Variants in L3MBTL4 observed in about 807,000 individuals in gnomAD.
The protein encoded by L3MBTL4 is L3MBTL histone methyl-lysine binding protein 4.
A neutral mutation model predicts 84.5 loss-of-function variants in L3MBTL4; 70 were observed. That is an observed-to-expected ratio of 0.83 (90% CI 0.68 to 1.01). The LOEUF (loss-of-function observed/expected upper bound fraction) is 1.01, where lower values mean the gene tolerates loss of function less well. L3MBTL4 is among the 50% of genes least tolerant of loss of function. The pLI is 0.00. For synonymous variants in L3MBTL4, 274 were observed against 259.8 expected, an observed-to-expected ratio of 1.05 and a Z score of -0.52; for missense variants, 715 against 754.8, an observed-to-expected ratio of 0.95 and a Z score of 0.62.
chr18:6,324,335 A>C (rs2051597540), intron 1 of L3MBTL4, among the ~76,000 whole-genome samples: 1 of 152,176 alleles, frequency 6.6e-6, no homozygotes, highest in South Asian at 2.1e-4. Context: ...GAGCTATGAG[A>C]AGAAGGCCAC....
intron 4 of L3MBTL4, among the ~76,000 whole-genome samples, chr18:6,278,864 T>TA (rs76899503): frequency 0.034 from 4,850 of 142,798 alleles, 215 homozygotes; most frequent in African/African-American, 0.11. Flanking sequence ...CGCTTTTACT[T>TA]AAAAAAAAAA....
At chr18:6,165,812 T>C (rs2043620290) in intron 13 of L3MBTL4, among the ~76,000 whole-genome samples, 1 of 152,122 alleles carries the variant, frequency 6.6e-6, no homozygotes, top group African/African-American at 2.4e-5. Context: ...AATGACAGGA[T>C]CAAATTCACA....
intron 14 of L3MBTL4, among the ~76,000 whole-genome samples, chr18:6,109,985 C>T (rs1014060544): frequency 2.0e-5 from 3 of 152,088 alleles, no homozygotes; most frequent in African/African-American, 4.8e-5. Flanking sequence ...TGGACTCGCA[C>T]ACGGGGTGAA....
chr18:6,211,405 A>G (rs893901672), intron 12 of L3MBTL4, among the ~76,000 whole-genome samples: 2 of 152,200 alleles, frequency 1.3e-5, no homozygotes, highest in Non-Finnish European at 2.9e-5. Flanking sequence ...GACTTTAAAA[A>G]GAAAATTAGA....
At chr18:6,328,940 G>A (rs2051869574) in intron 1 of L3MBTL4, among the ~76,000 whole-genome samples, 1 of 152,106 alleles carries the variant, frequency 6.6e-6, no homozygotes, top group African/African-American at 2.4e-5. Context: ...AAATTGAAGT[G>A]TAACATACAT....
chr18:6,045,647 T>C (rs1326890227), intron 16 of L3MBTL4, among the ~76,000 whole-genome samples: 6 of 152,196 alleles, frequency 3.9e-5, no homozygotes, highest in Non-Finnish European at 8.8e-5. Context: ...CCTGCCTCCA[T>C]GACTCAGTCA....
chr18:6,009,134 C>G (rs558582155), intron 16 of L3MBTL4, among the ~76,000 whole-genome samples: 1 of 152,316 alleles, frequency 6.6e-6, no homozygotes, highest in African/African-American at 2.4e-5. Flanking sequence ...AGGTGAGCAT[C>G]TGGCAGGCAA....
intron 13 of L3MBTL4, among the ~76,000 whole-genome samples, chr18:6,160,739 A>C (rs903487901): frequency 7.2e-5 from 11 of 151,812 alleles, no homozygotes; most frequent in African/African-American, 2.7e-4. Context: ...CTCAAAAAAA[A>C]AAAAAAAAAA....
intron 1 of L3MBTL4, among the ~76,000 whole-genome samples, chr18:6,371,513 G>A (rs962278797): frequency 5.3e-5 from 8 of 152,068 alleles, no homozygotes; most frequent in African/African-American, 1.4e-4. Flanking sequence ...AGCACTGCAC[G>A]ATCCTGAGGA....
intron 1 of L3MBTL4, among the ~76,000 whole-genome samples, chr18:6,405,476 A>AG (rs2055690407): frequency 1.3e-5 from 2 of 152,232 alleles, no homozygotes; most frequent in Non-Finnish European, 2.9e-5. Context: ...GGCCTTGGCA[A>AG]GGATATTCTC....
At chr18:6,299,526 C>T (rs969506883) in intron 4 of L3MBTL4, among the ~76,000 whole-genome samples, 1 of 152,136 alleles carries the variant, frequency 6.6e-6, no homozygotes, top group African/African-American at 2.4e-5. Flanking sequence ...GTCAAATGGC[C>T]TCTTAAAGCT....
At chr18:6,190,754 G>A (rs2045039763) in intron 12 of L3MBTL4, among the ~76,000 whole-genome samples, 2 of 152,212 alleles carry the variant, frequency 1.3e-5, no homozygotes, top group African/African-American at 4.8e-5. Flanking sequence ...AAAGGTGAGA[G>A]CCGAGTTAGG....
chr18:6,344,085 A>AT (rs2052752061), intron 1 of L3MBTL4, among the ~76,000 whole-genome samples: 1 of 152,006 alleles, frequency 6.6e-6, no homozygotes. Context: ...TAGAAAAACA[A>AT]TTAAAAAGAC....
At chr18:6,229,413 T>C (rs1419491867) in intron 10 of L3MBTL4, among the ~76,000 whole-genome samples, 1 of 152,142 alleles carries the variant, frequency 6.6e-6, no homozygotes, top group Non-Finnish European at 1.5e-5. Context: ...TTTTTTCCAC[T>C]CTGTAGGCTG....
At chr18:6,018,440 G>A (rs1373934249) in intron 16 of L3MBTL4, among the ~76,000 whole-genome samples, 1 of 152,172 alleles carries the variant, frequency 6.6e-6, no homozygotes, top group Non-Finnish European at 1.5e-5. Context: ...AAATTCTGAA[G>A]TAAAGGATGA....
At chr18:5,989,957 T>A (rs2053617298) in intron 16 of L3MBTL4, among the ~76,000 whole-genome samples, 1 of 152,206 alleles carries the variant, frequency 6.6e-6, no homozygotes, top group Non-Finnish European at 1.5e-5. Context: ...GTGGGCCTTA[T>A]ACTCTGGTTG....
At chr18:6,355,739 C>A (rs1389358190) in intron 1 of L3MBTL4, among the ~76,000 whole-genome samples, 4 of 151,968 alleles carry the variant, frequency 2.6e-5, no homozygotes, top group Non-Finnish European at 5.9e-5. Context: ...TATTAAAAAC[C>A]CATTAACTTA....
intron 16 of L3MBTL4, among the ~76,000 whole-genome samples, chr18:5,990,660 A>C (rs1333610096): frequency 6.6e-6 from 1 of 152,172 alleles, no homozygotes; most frequent in African/African-American, 2.4e-5. Flanking sequence ...TTCCTCTATA[A>C]AACATCATCT....
chr18:6,046,611 C>T (rs2056630256), intron 16 of L3MBTL4: 7 of 597,950 alleles, frequency 1.2e-5, no homozygotes, highest in Admixed American at 9.8e-5. Flanking sequence ...CTCCCAAAAC[C>T]ACACATTACA....
Sources: gnomAD v4.1 joint callset for allele counts (sites outside exome capture counted in the v4.1 genomes callset) on GRCh38, gnomAD v4.1.1 for gene constraint, MANE v1.5 for transcripts, NCBI Gene and HGNC (gene_info 2026-07-23, HGNC 2026-07-21) for gene names.